Variants in TRPM1 observed in about 807,000 individuals in gnomAD.
TRPM1 encodes TRPM1-203 APA Isoform, Intron 10.
In TRPM1, 113 loss-of-function variants were observed where a neutral mutation model predicts 149.4. The observed-to-expected ratio is 0.76, with a 90% CI of 0.65 to 0.88. The LOEUF (loss-of-function observed/expected upper bound fraction) is 0.88. Among genes scored for constraint, TRPM1 ranks in the 40% least tolerant of loss-of-function variants. The pLI is 0.00. For missense variants in TRPM1, 1,976 were observed against 2,038.7 expected (o/e 0.97, Z 0.59); for synonymous variants, 741 against 759.5 (o/e 0.98, Z 0.40).
Position 31,088,825 on chromosome 15 carries a change from C to T in TRPM1, c.-83-7387G>A, listed in dbSNP as rs546682944. On this transcript the variant is annotated intron_variant, in intron 1 of 27. Coordinates refer to ENST00000256552, the MANE Select transcript of TRPM1 (RefSeq NM_001252024.2). ...GCTGGGGGGATGCGTCAGAGGAGGC[C>T]TTTGTACCGGGGCGATGCGATAAGC... 6.7e-4 allele frequency among the ~76,000 whole-genome samples: 102 copies of T among 151,496 alleles called. 1 individual carries two copies. The highest frequency in any genetic ancestry group is 2.3e-3 in the African/African-American group (97 of 41,292).
chr15:31,046,995 T>C (rs912638815), intron 15 of TRPM1, 116 bp downstream of exon 15: 7 of 1,417,052 alleles, frequency 4.9e-6, no homozygotes, highest in Non-Finnish European at 7.0e-6. Context: ...GCAGGACAGC[T>C]GTGCTGGGGA....
At chr15:31,080,265 C>G (rs1243374381) in intron 2 of TRPM1, among the ~76,000 whole-genome samples, 1 of 152,104 alleles carries the variant, frequency 6.6e-6, no homozygotes, top group Non-Finnish European at 1.5e-5. Flanking sequence ...TACATAATCT[C>G]AAAGTATTTC....
In TRPM1 at chr15:31,023,421, T is replaced by C. The variant is rs142628022; in HGVS notation, c.3629+2718A>G. Among the ~76,000 whole-genome samples, 332 of 152,274 alleles carry C rather than the reference T, an allele frequency of 2.2e-3. 1 individual carries two copies. The highest frequency in any genetic ancestry group is 7.6e-3 in the African/African-American group (316 of 41,546). ...GGACAGTGGGGGCCACAGAGGGTTT[T>C]TCAGGAAAGCCAGTGCAGGAGGGAA... On this transcript the variant is annotated intron_variant, in intron 27 of 27. Coordinates refer to ENST00000256552, the MANE Select transcript of TRPM1 (RefSeq NM_001252024.2).
At chr15:31,113,798 A>T (rs1193550875) in intron 1 of TRPM1, among the ~76,000 whole-genome samples, 2 of 152,218 alleles carry the variant, frequency 1.3e-5, no homozygotes, top group East Asian at 3.8e-4. Flanking sequence ...GCAAGGACCC[A>T]CAGTTAGCAA....
chr15:31,032,977 C>G lies in TRPM1; in HGVS notation c.2701-37G>C, dbSNP rs373760479. ...CCCCAAAGAACAATAAACTGAGATG[C>G]CGTATTAGAAGTCTTGTCTTAGAAT... On this transcript the variant is annotated intron_variant, in intron 21 of 27. Transcript: ENST00000256552. The G allele has an allele frequency of 5.0e-6, 8 of 1,612,894 alleles. No individual in the cohort carries two copies. In the East Asian group the frequency reaches 1.6e-4, roughly 31 times the overall value.
chr15:31,069,036 A>G (rs191236753), intron 4 of TRPM1, among the ~76,000 whole-genome samples: 4 of 152,374 alleles, frequency 2.6e-5, no homozygotes, highest in Middle Eastern at 3.4e-3. Context: ...TTTCAGTACA[A>G]CATTTTTATT....
In TRPM1 at chr15:31,013,123, G is replaced by A. The variant is rs984068280; in HGVS notation, c.3630-10053C>T. 4.6e-5 allele frequency among the ~76,000 whole-genome samples: 7 copies of A among 151,432 alleles called. No individual in the cohort carries two copies. The South Asian group carries it at 6.2e-4, about 13-fold the overall frequency. On this transcript the variant is annotated intron_variant, in intron 27 of 27. Transcript: ENST00000256552. ...AGCCTCCCAAGTAGCTAGGACTACC[G>A]GCACCACCATGCTCTGCCAGTTGCC...
At chr15:31,122,016 C>T (rs898068151) in intron 1 of TRPM1, among the ~76,000 whole-genome samples, 9 of 152,110 alleles carry the variant, frequency 5.9e-5, no homozygotes, top group Non-Finnish European at 1.5e-5. Context: ...CCCAGATATG[C>T]AAGGCTGATT....
intron 1 of TRPM1, among the ~76,000 whole-genome samples, chr15:31,091,095 C>T (rs937978575): frequency 6.6e-6 from 1 of 152,208 alleles, no homozygotes; most frequent in African/African-American, 2.4e-5. Flanking sequence ...GTTTCAATGC[C>T]TGGGATCTGT....
intron 22 of TRPM1, among the ~76,000 whole-genome samples, chr15:31,032,002 CG>C (rs1409820230): frequency 7.5e-5 from 9 of 120,178 alleles, no homozygotes; most frequent in African/African-American, 3.2e-4. Flanking sequence ...ATAAATCAGG[CG>C]GGGTTTTTTT....
At chr15:31,017,802 A>G (rs148850962) in intron 27 of TRPM1, among the ~76,000 whole-genome samples, 1 of 152,364 alleles carries the variant, frequency 6.6e-6, no homozygotes, top group Non-Finnish European at 1.5e-5. Context: ...TTTCATTCAA[A>G]TAATAGGTAT....
chr15:31,101,797 G>A, upstream of TRPM1: 1 of 885,408 alleles, frequency 1.1e-6, no homozygotes, highest in Non-Finnish European at 1.4e-6. Flanking sequence ...TTGGGCCTGG[G>A]CCCTCATGAT....
chr15:31,072,018 T>TATATATATAGAGAGAGAGAG (rs1400392427), intron 3 of TRPM1, among the ~76,000 whole-genome samples: 1 of 36,908 alleles, frequency 2.7e-5, no homozygotes, highest in African/African-American at 1.1e-4. Context: ...TATATATATA[T>TATATATATAGAGAGAGAGAG]AGAGAGAGAG....
rs781335964 is a variant in TRPM1, at chr15:31,037,781, C to A, written c.2501G>T (p.Arg834Ile). The change falls in exon 20 of 28, where the codon AGA (arginine) becomes ATA (isoleucine). Residue 834 changes from arginine to isoleucine, a missense_variant. By Grantham distance (97) the Arg-to-Ile change is moderately conservative. This residue lies in a region of TRPM1 where 1,332 missense variants were observed against 1,347.1 expected (regional missense o/e 0.99). Coordinates refer to ENST00000256552, the MANE Select transcript of TRPM1 (RefSeq NM_001252024.2). ...GATCTTTGTTCCGATGGGAATACTT[C>A]TCTGTTTTTTGTGCTCGTTCTCCTC... Reference protein sequence around the residue: ...GDEENEHKKQRSIPIGTKICE... With the variant: ...GDEENEHKKQISIPIGTKICE... The A allele has an allele frequency of 5.6e-6, 9 of 1,614,088 alleles. No individual in the cohort carries two copies. The South Asian group carries it at 9.9e-5, about 18-fold the overall frequency.
chr15:31,155,108 C>T (rs576076049), intron 1 of TRPM1, among the ~76,000 whole-genome samples: 1 of 152,202 alleles, frequency 6.6e-6, no homozygotes, highest in African/African-American at 2.4e-5. Context: ...ATGTGGAATT[C>T]TGCATCCAAG....
At chr15:31,031,467 T>G in intron 22 of TRPM1, 1 of 472,746 alleles carries the variant, frequency 2.1e-6, no homozygotes, top group Non-Finnish European at 3.8e-6. Context: ...AGGGAAGAAT[T>G]AGAAGAAAAG....
chr15:31,103,516 T>A (rs770541269), upstream of TRPM1, among the ~76,000 whole-genome samples: 57 of 152,214 alleles, frequency 3.7e-4, no homozygotes, highest in Non-Finnish European at 6.8e-4. Flanking sequence ...TTTTCAAAAC[T>A]GACTACTAGA....
chr15:31,133,411 T>TA (rs34691754), intron 1 of TRPM1, among the ~76,000 whole-genome samples: 66,704 of 151,554 alleles, frequency 0.44, 15,667 homozygotes, highest in East Asian at 0.94. Flanking sequence ...CTACCAAAAG[T>TA]AAAAAAAATT....
chr15:31,097,098 G>A (rs990862781), intron 1 of TRPM1, among the ~76,000 whole-genome samples: 2 of 152,202 alleles, frequency 1.3e-5, no homozygotes, highest in African/African-American at 4.8e-5. Context: ...TAGCCAAAGA[G>A]CAATTTTACA....
Sources: allele counts gnomAD v4.1 joint callset (sites outside exome capture counted in the v4.1 genomes callset), GRCh38; gene constraint gnomAD v4.1.1; regional missense constraint gnomAD v4.1.1; transcripts MANE v1.5; gene names NCBI Gene and HGNC (gene_info 2026-07-23, HGNC 2026-07-21).